HIPK2: variants seen among roughly 807,000 people sequenced by gnomAD.
HIPK2 encodes homeodomain interacting protein kinase 2, also known as homeodomain-interacting protein kinase 2.
In HIPK2, 27 loss-of-function variants were observed where a neutral mutation model predicts 113.7. The observed-to-expected ratio is 0.24, with a 90% CI of 0.17 to 0.33. HIPK2 has a LOEUF of 0.33. HIPK2 is among the 10% of genes least tolerant of loss of function. The pLI, the probability that HIPK2 is intolerant of heterozygous loss-of-function variation, is 1.00. For missense variants in HIPK2, 1,257 were observed against 1,588.0 expected (o/e 0.79, Z 3.54); for synonymous variants, 631 against 642.2 (o/e 0.98, Z 0.26).
chr7:139,656,090 T>C (rs1325079608), intron 2 of HIPK2, among the ~76,000 whole-genome samples: 1 of 152,110 alleles, frequency 6.6e-6, no homozygotes, highest in East Asian at 1.9e-4. Flanking sequence ...TCTCCCATCA[T>C]TCTTCTCTCT....
intron 1 of HIPK2, among the ~76,000 whole-genome samples, chr7:139,773,659 A>G (rs765980858): frequency 1.3e-5 from 2 of 152,174 alleles, no homozygotes; most frequent in Non-Finnish European, 1.5e-5. Flanking sequence ...ATAAAATACA[A>G]AGAATCTGAG....
Position 139,571,556 on chromosome 7 carries a change from G to C in HIPK2, c.*1371C>G, listed in dbSNP as rs942801772. The C allele has an allele frequency of 3.3e-5, 5 of 152,068 alleles. No homozygotes were observed. The highest frequency in any genetic ancestry group is 6.5e-5 in the Admixed American group (1 of 15,286). 9.4% of individuals were successfully genotyped at this position (152,068 alleles called of 1,614,324 possible). A position where few individuals can be genotyped will look rare whatever the true frequency, so the allele number is the denominator to read the frequency against. ...GGCATCTGTCTCCCATATTTCTTTC[G>C]AGATCCACGGACTCTCTCCTAGCTC... On this transcript the variant is annotated 3_prime_UTR_variant, in exon 15 of 15. Coordinates refer to ENST00000406875, the MANE Select transcript of HIPK2 (RefSeq NM_022740.5).
chr7:139,657,764 TAAAACA>T (rs1000691284), intron 2 of HIPK2, among the ~76,000 whole-genome samples: 2 of 152,174 alleles, frequency 1.3e-5, no homozygotes, highest in African/African-American at 4.8e-5. Context: ...GCTTCTTGAT[TAAAACA>T]AAAACAAAAA....
In HIPK2 at chr7:139,573,360, T is replaced by C. The variant is rs1457165983; in HGVS notation, c.3164A>G (p.His1055Arg). ...QHITTDRTGS[H>R]RRQQAYITPT... ...AGTGATGTAGGCCTGCTGCCTTCGG[T>C]GGCTCCCAGTGCGGTCCGTGGTGAT... Residue 1055 changes from histidine (H) to arginine (R), a missense_variant, in exon 15 of 15, where the codon CAC becomes CGC. Transcript: ENST00000406875. 5 of 1,604,426 alleles carry C rather than the reference T, an allele frequency of 3.1e-6. No individual in the cohort carries two copies. The highest frequency in any genetic ancestry group is 1.8e-4 in the Middle Eastern group (1 of 5,596).
At chr7:139,770,587 C>T (rs955889676) in intron 1 of HIPK2, among the ~76,000 whole-genome samples, 8 of 152,212 alleles carry the variant, frequency 5.3e-5, no homozygotes, top group Non-Finnish European at 5.9e-5. Context: ...GAAGTGCTTT[C>T]GTAGTCAATG....
At chr7:139,756,144 A>C (rs964203092) in intron 1 of HIPK2, among the ~76,000 whole-genome samples, 7 of 152,198 alleles carry the variant, frequency 4.6e-5, no homozygotes, top group Non-Finnish European at 5.9e-5. Context: ...AATAATCTTA[A>C]CAGTCACATA....
rs1300467981 is a variant in HIPK2 at position 139,714,861 on chromosome 7, C to T, written c.1103+1071G>A. Among the ~76,000 whole-genome samples, 1 of 152,236 alleles carries T rather than the reference C, an allele frequency of 6.6e-6. No homozygotes were observed. The highest frequency in any genetic ancestry group is 1.5e-5 in the Non-Finnish European group (1 of 68,044). ...TGCCGCCTCCCCGCTGTGCACCCGC[C>T]ATGGCCAGCCACGGAGTGACACACC... On this transcript the variant is annotated intron_variant, in intron 2 of 14. Coordinates refer to ENST00000406875, the MANE Select transcript of HIPK2 (RefSeq NM_022740.5). This position sits in a 1 kb window ranked among gnomAD's most constrained non-coding sequence, Gnocchi z 4.2.
chr7:139,716,666 A>G lies in HIPK2; in HGVS notation c.369T>C (p.Leu123=). ...NLMRRSTVSL[L]DTYQKCGLKR... ...TGAGTCCACATTTTTGGTAGGTATC[A>G]AGGAGGCTCACAGTGCTTCGACGCA... Residue 123 remains leucine, a synonymous_variant, in exon 2 of 15, where the codon CTT becomes CTC. Coordinates refer to ENST00000406875, the MANE Select transcript of HIPK2 (RefSeq NM_022740.5). The surrounding 1 kb of genome is among the most constrained non-coding windows in gnomAD (Gnocchi z 9.3). The G allele has an allele frequency of 3.7e-6, 6 of 1,613,880 alleles. No homozygotes were observed. Among genetic ancestry groups the G allele is most frequent in the African/African-American group, 1.3e-5 (1 of 75,012 alleles).
chr7:139,715,402 C>T (rs987752936), intron 2 of HIPK2, among the ~76,000 whole-genome samples: 13 of 152,180 alleles, frequency 8.5e-5, no homozygotes, highest in Non-Finnish European at 1.5e-4. Context: ...CCTTTCAACC[C>T]GTTACCTTAT....
chr7:139,736,127 A>C (rs772223704), intron 1 of HIPK2, among the ~76,000 whole-genome samples: 1 of 152,124 alleles, frequency 6.6e-6, no homozygotes, highest in East Asian at 1.9e-4. Flanking sequence ...AAATGAAAGC[A>C]TGTGGCCAGG....
At position 139,573,125 on chromosome 7, in the gene HIPK2, G is replaced by A. The variant is rs749701309; in HGVS notation, c.3399C>T (p.His1133=). The change falls in exon 15 of 15, where the codon CAC becomes CAT. Residue 1133 remains histidine (H), a synonymous_variant. Transcript: ENST00000406875. Reference sequence around the variant, plus strand: ...GGACGATGCTGGCTGGGTAGGCAGTGTGCTGCACGGTGTGGCGCGCAGAGC... The same window carrying A: ...GGACGATGCTGGCTGGGTAGGCAGTATGCTGCACGGTGTGGCGCGCAGAGC... The part of the protein sequence containing the change: ...SQGSARHTVQ[H]TAYPASIVHQ... 1 of 1,611,550 alleles carries A rather than the reference G, an allele frequency of 6.2e-7. No homozygotes were observed. The highest frequency in any genetic ancestry group is 2.2e-5 in the East Asian group (1 of 44,806).
At position 139,597,001 on chromosome 7, in the gene HIPK2, G is replaced by A. The variant is rs1211631829; in HGVS notation, c.2436-3C>T. The stretch of plus-strand genomic sequence containing the variant: ...ACACCTCACAGGTGGAGACATTTCT[G>A]TAATGAGAAAACCACACTCTCACAC... On this transcript the variant is annotated splice_region_variant and splice_polypyrimidine_tract_variant and intron_variant, in intron 11 of 14. Coordinates refer to ENST00000406875, the MANE Select transcript of HIPK2 (RefSeq NM_022740.5). The A allele has an allele frequency of 2.5e-6, 4 of 1,586,458 alleles. No homozygotes were observed. The African/African-American group carries it at 5.4e-5, about 21-fold the overall frequency.
intron 9 of HIPK2, among the ~76,000 whole-genome samples, chr7:139,606,567 A>G (rs1201210893): frequency 6.6e-6 from 1 of 152,242 alleles, no homozygotes; most frequent in African/African-American, 2.4e-5. Flanking sequence ...GACTGAAGGA[A>G]TCTAAGATCA....
At chr7:139,634,626 T>C (rs988456619) in intron 2 of HIPK2, among the ~76,000 whole-genome samples, 1 of 151,718 alleles carries the variant, frequency 6.6e-6, no homozygotes, top group Non-Finnish European at 1.5e-5. Flanking sequence ...TTTCAGTTTA[T>C]TTAAAACATC....
chr7:139,614,760 G>A (rs550642535), intron 7 of HIPK2, among the ~76,000 whole-genome samples: 2 of 152,302 alleles, frequency 1.3e-5, no homozygotes, highest in East Asian at 3.9e-4. Flanking sequence ...CAGACAAGAG[G>A]ACACACGGAT....
chr7:139,737,021 G>A (rs1795957745), intron 1 of HIPK2, among the ~76,000 whole-genome samples: 1 of 152,170 alleles, frequency 6.6e-6, no homozygotes, highest in Non-Finnish European at 1.5e-5. Context: ...AGCTCGCCTT[G>A]TGGTCCTGAC....
intron 2 of HIPK2, among the ~76,000 whole-genome samples, chr7:139,670,596 C>A (rs73486041): frequency 0.072 from 10,780 of 149,444 alleles, 431 homozygotes; most frequent in African/African-American, 0.11. Flanking sequence ...AAAAAAAGAA[C>A]AAAAAAAGTG....
chr7:139,747,336 G>A (rs569467833), intron 1 of HIPK2, among the ~76,000 whole-genome samples: 8 of 152,246 alleles, frequency 5.3e-5, no homozygotes, highest in South Asian at 2.1e-4. Context: ...TCCTAGCTTC[G>A]GAGAAGGTGG....
Position 139,573,026 on chromosome 7 carries a change from T to C in HIPK2, c.3498A>G (p.Gln1166=), listed in dbSNP as rs577210446. 2.4e-5 allele frequency: 38 copies of C among 1,611,684 alleles called. No individual in the cohort carries two copies. The African/African-American group carries it at 3.5e-4, about 15-fold the overall frequency. ...CGCTGATGTAGGTCTGGTGGGCAAA[T>C]TGGGCTGGATACTGACTCGGGTGGA... The part of the protein sequence containing the change: ...PTIHPSQYPA[Q]FAHQTYISAS... Residue 1166 remains glutamine, a synonymous_variant, in exon 15 of 15, where the codon CAA becomes CAG. Coordinates refer to ENST00000406875, the MANE Select transcript of HIPK2 (RefSeq NM_022740.5).
Sources: allele counts gnomAD v4.1 joint callset (sites outside exome capture counted in the v4.1 genomes callset), GRCh38; gene constraint gnomAD v4.1.1; non-coding constraint Gnocchi (gnomAD v3.1); transcripts MANE v1.5; gene names NCBI Gene and HGNC (gene_info 2026-07-23, HGNC 2026-07-21).